SCHIP1: variants seen among roughly 807,000 people sequenced by gnomAD.
The protein encoded by SCHIP1 is schwannomin-interacting protein 1.
In SCHIP1, 8 loss-of-function variants were observed where a neutral mutation model predicts 29.7. The ratio of observed to expected loss-of-function variants is 0.27; its 90% CI spans 0.16 to 0.49. The LOEUF (loss-of-function observed/expected upper bound fraction) is 0.49, where lower values mean the gene tolerates loss of function less well. SCHIP1 is among the 20% of genes least tolerant of loss of function. The pLI is 0.99. For missense variants in SCHIP1, 193 were observed against 294.6 expected (o/e 0.66, Z 2.52); for synonymous variants, 76 against 94.9 (o/e 0.80, Z 1.16).
chr3:159,843,979 T>A (rs1295764871), intron 1 of SCHIP1, among the ~76,000 whole-genome samples: 1 of 152,162 alleles, frequency 6.6e-6, no homozygotes, highest in Non-Finnish European at 1.5e-5. Context: ...TTGTTTCTTG[T>A]TAGTTTTCTC....
At chr3:159,603,907 G>C in the SCHIP1 span, among the ~76,000 whole-genome samples, 1 of 152,150 alleles carries the variant, frequency 6.6e-6, no homozygotes, top group Non-Finnish European at 1.5e-5. Context: ...GGGCTCACAA[G>C]GATGGCTAAA....
the SCHIP1 span, among the ~76,000 whole-genome samples, chr3:159,375,399 T>C: frequency 2.0e-5 from 3 of 152,192 alleles, no homozygotes; most frequent in Admixed American, 2.0e-4. Context: ...GCATGTGCAA[T>C]GTCACAGCAG....
At chr3:159,887,983 A>G in intron 4 of SCHIP1, 78 bp downstream of exon 5, 2 of 1,553,806 alleles carry the variant, frequency 1.3e-6, no homozygotes, top group Non-Finnish European at 1.7e-6. Context: ...CTTTCCCAGA[A>G]TTATGCAAAC....
chr3:159,419,031 A>G, the SCHIP1 span, among the ~76,000 whole-genome samples: 6 of 152,334 alleles, frequency 3.9e-5, no homozygotes, highest in African/African-American at 1.4e-4. Flanking sequence ...TGTGAAATCT[A>G]GTCCACTTCT....
At chr3:159,529,449 T>C in the SCHIP1 span, among the ~76,000 whole-genome samples, 1 of 152,104 alleles carries the variant, frequency 6.6e-6, no homozygotes, top group African/African-American at 2.4e-5. Context: ...CTCCTACATG[T>C]TCCCTTTTTT....
the SCHIP1 span, among the ~76,000 whole-genome samples, chr3:159,632,800 G>A: frequency 9.2e-5 from 14 of 152,310 alleles, no homozygotes; most frequent in Non-Finnish European, 1.8e-4. Context: ...TGATGTTGAT[G>A]ATACTCAGGA....
the SCHIP1 span, among the ~76,000 whole-genome samples, chr3:159,328,265 T>C: frequency 3.9e-5 from 6 of 152,222 alleles, no homozygotes; most frequent in Non-Finnish European, 1.5e-5. Context: ...CAGAAAGTTC[T>C]CTTGGACAAT....
chr3:159,774,007 CACTT>C, the SCHIP1 span, among the ~76,000 whole-genome samples: 1 of 152,150 alleles, frequency 6.6e-6, no homozygotes, highest in African/African-American at 2.4e-5. Context: ...ACTTGTATGC[CACTT>C]ACTTGTACTT....
intron 1 of SCHIP1, among the ~76,000 whole-genome samples, chr3:159,857,198 TA>T (rs1713487502): frequency 6.6e-6 from 1 of 152,200 alleles, no homozygotes; most frequent in Non-Finnish European, 1.5e-5. Context: ...ACACCTCGGT[TA>T]GCCAGCATGG....
chr3:159,652,693 C>A, the SCHIP1 span, among the ~76,000 whole-genome samples: 1 of 152,040 alleles, frequency 6.6e-6, no homozygotes, highest in Non-Finnish European at 1.5e-5. Flanking sequence ...GAAATGACAT[C>A]TGAGCTGAAA....
At chr3:159,372,377 T>A in the SCHIP1 span, among the ~76,000 whole-genome samples, 1 of 152,122 alleles carries the variant, frequency 6.6e-6, no homozygotes, top group African/African-American at 2.4e-5. Context: ...AGAGCTAAGA[T>A]TTATGGAGGC....
the SCHIP1 span, among the ~76,000 whole-genome samples, chr3:159,752,992 T>C: frequency 2.0e-5 from 3 of 152,254 alleles, no homozygotes; most frequent in Admixed American, 6.5e-5. Flanking sequence ...TCTTCGTGCA[T>C]AAATCTAGAT....
At chr3:159,635,551 G>A in the SCHIP1 span, among the ~76,000 whole-genome samples, 3 of 152,182 alleles carry the variant, frequency 2.0e-5, no homozygotes, top group East Asian at 5.8e-4. Context: ...TTTCTTGAGG[G>A]GATATTGAGA....
the SCHIP1 span, among the ~76,000 whole-genome samples, chr3:159,703,764 A>G: frequency 6.6e-6 from 1 of 152,216 alleles, no homozygotes; most frequent in African/African-American, 2.4e-5. Flanking sequence ...TCTTTCTTAC[A>G]TGGTGAACTA....
At chr3:159,506,558 T>C in the SCHIP1 span, among the ~76,000 whole-genome samples, 1 of 152,246 alleles carries the variant, frequency 6.6e-6, no homozygotes, top group Non-Finnish European at 1.5e-5. Flanking sequence ...ATGTCCTAAA[T>C]GGTATTGCCT....
chr3:159,887,664 C>T, intron 3 of SCHIP1, 44 bp from the exon 5 acceptor site: 1 of 1,608,006 alleles, frequency 6.2e-7, no homozygotes, highest in East Asian at 2.2e-5. Flanking sequence ...TGGATGCTAG[C>T]TGGCATGCAT....
intron 1 of SCHIP1, among the ~76,000 whole-genome samples, chr3:159,840,782 G>C (rs887639502): frequency 6.6e-6 from 1 of 152,280 alleles, no homozygotes; most frequent in East Asian, 1.9e-4. Context: ...AAGCATTAAA[G>C]TATCAACATG....
chr3:159,824,000 A>G, the SCHIP1 span, among the ~76,000 whole-genome samples: 1 of 152,228 alleles, frequency 6.6e-6, no homozygotes, highest in African/African-American at 2.4e-5. Flanking sequence ...GATGAAGGGT[A>G]TTTTGAAAGT....
the SCHIP1 span, among the ~76,000 whole-genome samples, chr3:159,710,090 A>G: frequency 6.6e-6 from 1 of 152,254 alleles, no homozygotes; most frequent in Non-Finnish European, 1.5e-5. Context: ...ACTTCTGGGT[A>G]TACATCCAAA....
Sources: gnomAD v4.1 joint callset for allele counts (sites outside exome capture counted in the v4.1 genomes callset) on GRCh38, gnomAD v4.1.1 for gene constraint, MANE v1.5 for transcripts, NCBI Gene and HGNC (gene_info 2026-07-23, HGNC 2026-07-21) for gene names.